PHACTR3: variants seen among roughly 807,000 people sequenced by gnomAD.
PHACTR3 encodes phosphatase and actin regulator 3, also known as protein phosphatase 1, regulatory subunit 123.
Under a neutral mutation model 66.8 loss-of-function variants are expected in PHACTR3, and 16 were observed. The observed-to-expected ratio is 0.24, with a 90% CI of 0.16 to 0.36. The LOEUF (loss-of-function observed/expected upper bound fraction) is 0.36. Ranked by LOEUF, PHACTR3 falls within the 10% of genes least tolerant of loss-of-function variation. PHACTR3 has a pLI of 1.00. For synonymous variants in PHACTR3, 323 were observed against 292.1 expected, an observed-to-expected ratio of 1.11 and a Z score of -1.08; for missense variants, 647 against 719.9, an observed-to-expected ratio of 0.90 and a Z score of 1.16.
At chr20:59,689,240 TG>T (rs1054142395) in intron 1 of PHACTR3, among the ~76,000 whole-genome samples, 1 of 152,184 alleles carries the variant, frequency 6.6e-6, no homozygotes, top group African/African-American at 2.4e-5. Flanking sequence ...CAGCCCTTGG[TG>T]GGGCGGCCTT....
At chr20:59,629,825 T>C (rs2034602021) in intron 1 of PHACTR3, among the ~76,000 whole-genome samples, 1 of 152,228 alleles carries the variant, frequency 6.6e-6, no homozygotes, top group Non-Finnish European at 1.5e-5. Context: ...ACAGCCACTG[T>C]GGCCTTCCGT....
At chr20:59,819,284 A>C (rs1255590272) in intron 8 of PHACTR3, among the ~76,000 whole-genome samples, 1 of 151,540 alleles carries the variant, frequency 6.6e-6, no homozygotes, top group African/African-American at 2.4e-5. Context: ...CCAACTGCCC[A>C]CGGGACTGAG....
intron 1 of PHACTR3, among the ~76,000 whole-genome samples, chr20:59,699,380 C>T (rs1269791391): frequency 6.6e-6 from 1 of 152,120 alleles, no homozygotes; most frequent in Admixed American, 6.5e-5. Context: ...CTCATTTACC[C>T]CTTGTGACTC....
At chr20:59,782,407 A>G (rs529996823) in intron 7 of PHACTR3, among the ~76,000 whole-genome samples, 4 of 152,238 alleles carry the variant, frequency 2.6e-5, no homozygotes, top group Admixed American at 6.5e-5. Context: ...GCATACCACC[A>G]TGCCTGGCTA....
chr20:59,646,446 A>C (rs374666279), intron 1 of PHACTR3, among the ~76,000 whole-genome samples: 1 of 152,046 alleles, frequency 6.6e-6, no homozygotes, highest in African/African-American at 2.4e-5. Flanking sequence ...CCTTTTTTTT[A>C]AAATCAGTTT....
At chr20:59,648,443 C>T (rs1254211482) in intron 1 of PHACTR3, among the ~76,000 whole-genome samples, 1 of 152,168 alleles carries the variant, frequency 6.6e-6, no homozygotes, top group Non-Finnish European at 1.5e-5. Flanking sequence ...GGTGCTGAAC[C>T]AGAAAAGGTG....
intron 7 of PHACTR3, among the ~76,000 whole-genome samples, chr20:59,794,525 T>A (rs1488603141): frequency 6.6e-6 from 1 of 152,190 alleles, no homozygotes; most frequent in Non-Finnish European, 1.5e-5. Flanking sequence ...TGTCCTTATC[T>A]GGTCTTAGTA....
In PHACTR3 at chr20:59,673,660, G is replaced by A. The variant is rs1028609007; in HGVS notation, c.118+68528G>A. ...TATCCTGTGGAGGCCCCAGGATTCC[G>A]ACTTGTACCCGGGCTTGCTTGGTGC... On this transcript the variant is annotated intron_variant, in intron 1 of 12. Transcript: ENST00000371015. Among the ~76,000 whole-genome samples, 9 of 152,178 alleles carry A rather than the reference G, an allele frequency of 5.9e-5. No homozygotes were observed. The South Asian group carries it at 6.2e-4, about 11-fold the overall frequency.
intron 1 of PHACTR3, among the ~76,000 whole-genome samples, chr20:59,609,831 T>G (rs910509704): frequency 1.3e-5 from 2 of 152,206 alleles, no homozygotes; most frequent in Admixed American, 1.3e-4. Flanking sequence ...AGTAATTACC[T>G]TGTCAGCTTC....
intron 1 of PHACTR3, among the ~76,000 whole-genome samples, chr20:59,687,825 A>G (rs1372073428): frequency 6.6e-6 from 1 of 152,072 alleles, no homozygotes; most frequent in Admixed American, 6.5e-5. Context: ...CGCTTTGAGT[A>G]GTGCTGTTTC....
chr20:59,612,608 A>G (rs894468083), intron 1 of PHACTR3, among the ~76,000 whole-genome samples: 16 of 151,282 alleles, frequency 1.1e-4, no homozygotes, highest in African/African-American at 3.6e-4. Context: ...CTGGTCTTGA[A>G]CTCTTGACCT....
At chr20:59,722,102 G>A (rs2038329304) in intron 1 of PHACTR3, among the ~76,000 whole-genome samples, 1 of 152,082 alleles carries the variant, frequency 6.6e-6, no homozygotes, top group African/African-American at 2.4e-5. Context: ...TGTGGTGGCG[G>A]GCACCTGTGG....
At chr20:59,811,995 G>T (rs1359643068) in intron 8 of PHACTR3, among the ~76,000 whole-genome samples, 1 of 150,156 alleles carries the variant, frequency 6.7e-6, no homozygotes, top group East Asian at 2.3e-4. Flanking sequence ...AGTCAAGGCT[G>T]GATGCACTCC....
chr20:59,840,478 A>G, intron 10 of PHACTR3, 48 bp downstream of exon 10: 1 of 1,606,726 alleles, frequency 6.2e-7, no homozygotes, highest in South Asian at 1.1e-5. Flanking sequence ...GGTCTAGAGA[A>G]CAGCTGCTTC....
chr20:59,587,505 A>G (rs2033067645), intron 1 of PHACTR3, among the ~76,000 whole-genome samples: 1 of 152,200 alleles, frequency 6.6e-6, no homozygotes, highest in Non-Finnish European at 1.5e-5. Flanking sequence ...TGCCAGAACA[A>G]TTTACCACCA....
At chr20:59,681,517 A>G (rs545585483) in intron 1 of PHACTR3, among the ~76,000 whole-genome samples, 1 of 152,364 alleles carries the variant, frequency 6.6e-6, no homozygotes, top group East Asian at 1.9e-4. Context: ...TTGGCAGGTT[A>G]ATCAAATGGG....
chr20:59,723,736 G>C (rs567203565), intron 1 of PHACTR3, among the ~76,000 whole-genome samples: 2 of 151,850 alleles, frequency 1.3e-5, no homozygotes, highest in African/African-American at 4.8e-5. Flanking sequence ...ATGGCGACTC[G>C]GTCTTTGGGC....
intron 8 of PHACTR3, among the ~76,000 whole-genome samples, chr20:59,812,344 T>C (rs1338784722): frequency 6.6e-6 from 1 of 152,220 alleles, no homozygotes; most frequent in African/African-American, 2.4e-5. Context: ...TTAGCGGATC[T>C]CTGAGTGGCT....
intron 1 of PHACTR3, among the ~76,000 whole-genome samples, chr20:59,596,313 T>A (rs2033325483): frequency 6.6e-6 from 1 of 152,164 alleles, no homozygotes; most frequent in African/African-American, 2.4e-5. Flanking sequence ...TTTGTGTGTG[T>A]ATATTTTTAG....
Sources: gnomAD v4.1 joint callset for allele counts (sites outside exome capture counted in the v4.1 genomes callset) on GRCh38, gnomAD v4.1.1 for gene constraint, MANE v1.5 for transcripts, NCBI Gene and HGNC (gene_info 2026-07-23, HGNC 2026-07-21) for gene names.